Variants in SLAMF6 observed in about 807,000 individuals in gnomAD.
The protein encoded by SLAMF6 is NK-T-B-antigen.
A neutral mutation model predicts 38.3 loss-of-function variants in SLAMF6; 21 were observed. That is an observed-to-expected ratio of 0.55 (90% CI 0.39 to 0.79). The LOEUF (loss-of-function observed/expected upper bound fraction) is 0.79. Ranked by LOEUF, SLAMF6 falls within the 30% of genes least tolerant of loss-of-function variation. SLAMF6 has a pLI of 0.00. For missense variants in SLAMF6, 341 were observed against 385.3 expected, an observed-to-expected ratio of 0.89 and a Z score of 0.96; for synonymous variants, 152 against 146.3, an observed-to-expected ratio of 1.04 and a Z score of -0.28.
rs1424886865 is a variant in SLAMF6 at position 160,523,185 on chromosome 1, C to G, written c.8G>C (p.Trp3Ser). The G allele has an allele frequency of 1.2e-6, 2 of 1,613,656 alleles. No homozygotes were observed. Among genetic ancestry groups the G allele is most frequent in the Non-Finnish European group, 1.7e-6 (2 of 1,179,876 alleles). Residue 3 changes from tryptophan (W) to serine (S), a missense_variant, in exon 1 of 8, where the codon TGG (tryptophan) becomes TCG (serine). By Grantham distance (177) the Trp-to-Ser change is radical. Transcript: ENST00000368057. ...GACAAACAGGAGCGATTGGAACAGC[C>G]ACAACATGCTTTCCGCGGTGAAGAC... The part of the protein sequence containing the change: ML[W>S]LFQSLLFVFC...
At chr1:160,506,606 C>T (rs1216894328) in intron 1 of SLAMF6, among the ~76,000 whole-genome samples, 1 of 152,182 alleles carries the variant, frequency 6.6e-6, no homozygotes, top group African/African-American at 2.4e-5. Context: ...GTAAATCTGA[C>T]TGCATAGATT....
intron 1 of SLAMF6, among the ~76,000 whole-genome samples, chr1:160,517,239 C>A (rs1416521234): frequency 6.6e-6 from 1 of 152,078 alleles, no homozygotes; most frequent in Non-Finnish European, 1.5e-5. Flanking sequence ...GACATTCATG[C>A]AGCCAACAAA....
At chr1:160,511,698 G>C (rs1045300499) in intron 1 of SLAMF6, among the ~76,000 whole-genome samples, 1 of 152,182 alleles carries the variant, frequency 6.6e-6, no homozygotes, top group African/African-American at 2.4e-5. Flanking sequence ...AGTAAGAAAA[G>C]ATAAAATGTG....
At chr1:160,517,681 G>A (rs892293539) in intron 1 of SLAMF6, among the ~76,000 whole-genome samples, 1 of 152,142 alleles carries the variant, frequency 6.6e-6, no homozygotes, top group African/African-American at 2.4e-5. Flanking sequence ...CCATCAAAAG[G>A]AATGAGATCA....
chr1:160,495,329 T>C (rs1485643864), intron 2 of SLAMF6, among the ~76,000 whole-genome samples: 2 of 152,218 alleles, frequency 1.3e-5, no homozygotes, highest in Admixed American at 1.3e-4. Context: ...ATATCACTGA[T>C]TGCTAGAGAG....
chr1:160,517,527 C>T (rs550514207), intron 1 of SLAMF6, among the ~76,000 whole-genome samples: 14 of 152,300 alleles, frequency 9.2e-5, no homozygotes, highest in East Asian at 1.9e-4. Context: ...GAATATAAAT[C>T]GCTCTGTTAC....
chr1:160,496,460 T>G lies in SLAMF6; in HGVS notation c.50-67A>C, dbSNP rs533356708. On this transcript the variant is annotated intron_variant, in intron 1 of 7. Transcript: ENST00000368057. ...ATCTCCCTGCCAAGTCCTGCACCCT[T>G]TCACCTAACGCTGCCAGTCTGTTAG... is the stretch of plus-strand genomic sequence containing the variant. 142 of 1,500,262 alleles carry G rather than the reference T, an allele frequency of 9.5e-5. 1 individual carries two copies. The South Asian group carries it at 1.7e-3, about 18-fold the overall frequency. 92.9% of individuals were successfully genotyped at this position (1,500,262 alleles called of 1,614,324 possible). A position where few individuals can be genotyped will look rare whatever the true frequency, so the allele number is the denominator to read the frequency against.
chr1:160,497,114 A>C (rs1021628029), intron 1 of SLAMF6, among the ~76,000 whole-genome samples: 2 of 152,048 alleles, frequency 1.3e-5, no homozygotes, highest in Non-Finnish European at 2.9e-5. Flanking sequence ...ATTTTTTTTT[A>C]ATTCTCTCAG....
intron 1 of SLAMF6, among the ~76,000 whole-genome samples, chr1:160,521,261 T>A (rs1313570153): frequency 6.6e-6 from 1 of 152,186 alleles, no homozygotes; most frequent in African/African-American, 2.4e-5. Flanking sequence ...CTCATTCAAA[T>A]GTGTTTCTCT....
intron 1 of SLAMF6, among the ~76,000 whole-genome samples, chr1:160,503,139 G>A (rs1653996985): frequency 6.6e-6 from 1 of 152,142 alleles, no homozygotes; most frequent in South Asian, 2.1e-4. Flanking sequence ...GATCTCAAAA[G>A]ATTTAGAGGG....
Position 160,490,585 on chromosome 1 carries a change from C to G in SLAMF6, c.747G>C (p.Arg249Ser). 6.2e-7 allele frequency: 1 copy of G among 1,612,920 alleles called. No homozygotes were observed. Among genetic ancestry groups the G allele is most frequent in the Non-Finnish European group, 8.5e-7 (1 of 1,179,694 alleles). The change falls in exon 4 of 8, where the codon AGG (arginine) becomes AGC (serine). Residue 249 changes from arginine to serine, a missense_variant. Transcript: ENST00000368057. ...AGAAAGGAAACCTGCCTCTTCTTTT[C>G]CTCAAAACAAGTAACAGCAGTATGA... ...GFIILLLLVL[R>S]KRRDSLSLST...
intron 1 of SLAMF6, among the ~76,000 whole-genome samples, chr1:160,507,274 A>T (rs1170307427): frequency 6.6e-6 from 1 of 152,196 alleles, no homozygotes; most frequent in Non-Finnish European, 1.5e-5. Flanking sequence ...TTTAAGTCAA[A>T]AATTATTAGT....
At chr1:160,504,793 A>G (rs1654094608) in intron 1 of SLAMF6, among the ~76,000 whole-genome samples, 1 of 152,222 alleles carries the variant, frequency 6.6e-6, no homozygotes, top group Non-Finnish European at 1.5e-5. Flanking sequence ...AGATTCTTAG[A>G]AGAATTCAGG....
In SLAMF6 at chr1:160,516,640, A is replaced by G. The variant is rs200745000; in HGVS notation, c.49+6504T>C. Among the ~76,000 whole-genome samples, 25 of 152,032 alleles carry G rather than the reference A, an allele frequency of 1.6e-4. No individual in the cohort carries two copies. The East Asian group carries it at 2.7e-3, about 16-fold the overall frequency. On this transcript the variant is annotated intron_variant, in intron 1 of 7. Coordinates refer to ENST00000368057, the MANE Select transcript of SLAMF6 (RefSeq NM_001184714.2). The stretch of plus-strand genomic sequence containing the variant: ...AGCAATAACCAAAACAGCACGGTAC[A>G]TGGTACTGGTACAAAACAGACACAT...
intron 2 of SLAMF6, among the ~76,000 whole-genome samples, chr1:160,494,874 A>G (rs1056492824): frequency 6.6e-6 from 1 of 152,132 alleles, no homozygotes; most frequent in African/African-American, 2.4e-5. Flanking sequence ...AATTTCTGTT[A>G]CGCCACCTAC....
At chr1:160,488,728 A>G (rs1653104600) in intron 6 of SLAMF6, among the ~76,000 whole-genome samples, 1 of 152,178 alleles carries the variant, frequency 6.6e-6, no homozygotes, top group Non-Finnish European at 1.5e-5. Context: ...TTTCAAACTT[A>G]GTGGAACTCT....
intron 1 of SLAMF6, among the ~76,000 whole-genome samples, chr1:160,504,274 C>T (rs1182965549): frequency 1.3e-5 from 2 of 152,012 alleles, no homozygotes; most frequent in South Asian, 2.1e-4. Context: ...GATACTCTTA[C>T]CATACTTGCA....
Position 160,490,571 on chromosome 1 carries a change from C to G in SLAMF6, c.757+4G>C. On this transcript the variant is annotated splice_donor_region_variant and intron_variant, in intron 4 of 7. Coordinates refer to ENST00000368057, the MANE Select transcript of SLAMF6 (RefSeq NM_001184714.2). The stretch of plus-strand genomic sequence containing the variant: ...AGAGACAAGTAGGAAGAAAGGAAAC[C>G]TGCCTCTTCTTTTCCTCAAAACAAG... The G allele has an allele frequency of 6.2e-7, 1 of 1,611,228 alleles. No homozygotes were observed. Among genetic ancestry groups the G allele is most frequent in the Non-Finnish European group, 8.5e-7 (1 of 1,179,268 alleles).
intron 1 of SLAMF6, 21 bp from the exon 2 acceptor site, chr1:160,496,414 G>C: frequency 1.2e-6 from 2 of 1,605,530 alleles, no homozygotes; most frequent in Non-Finnish European, 8.5e-7. Context: ...AGAAGGAAAG[G>C]TTTTAAAAAT....
Sources: allele counts gnomAD v4.1 joint callset (sites outside exome capture counted in the v4.1 genomes callset), GRCh38; gene constraint gnomAD v4.1.1; transcripts MANE v1.5; gene names NCBI Gene and HGNC (gene_info 2026-07-23, HGNC 2026-07-21).